CLVS1: variants seen among roughly 807,000 people sequenced by gnomAD.
CLVS1 encodes clavesin-1.
A neutral mutation model predicts 33.1 loss-of-function variants in CLVS1; 10 were observed. That is an observed-to-expected ratio of 0.30 (90% CI 0.19 to 0.51). CLVS1 has a LOEUF of 0.51. CLVS1 is among the 20% of genes least tolerant of loss of function. The pLI, the probability that CLVS1 is intolerant of heterozygous loss-of-function variation, is 0.97. For missense variants in CLVS1, 343 were observed against 433.4 expected, an observed-to-expected ratio of 0.79 and a Z score of 1.85; for synonymous variants, 163 against 166.1, an observed-to-expected ratio of 0.98 and a Z score of 0.14.
chr8:61,353,240 G>T (rs1812548365), intron 2 of CLVS1, among the ~76,000 whole-genome samples: 1 of 151,902 alleles, frequency 6.6e-6, no homozygotes, highest in Non-Finnish European at 1.5e-5. Flanking sequence ...CAACAGCAAG[G>T]TACACATTTT....
intron 1 of CLVS1, among the ~76,000 whole-genome samples, chr8:61,291,337 G>A (rs913594879): frequency 6.6e-6 from 1 of 152,162 alleles, no homozygotes; most frequent in African/African-American, 2.4e-5. Context: ...GAGATGATCT[G>A]TTCTTGTTTC....
intron 2 of CLVS1, among the ~76,000 whole-genome samples, chr8:61,176,579 G>T (rs1305497053): frequency 6.6e-6 from 1 of 152,190 alleles, no homozygotes; most frequent in African/African-American, 2.4e-5. Context: ...GTGGTCAGAG[G>T]CTCACATTGA....
At chr8:61,496,746 A>G (rs1183506546) in intron 5 of CLVS1, among the ~76,000 whole-genome samples, 1 of 152,230 alleles carries the variant, frequency 6.6e-6, no homozygotes, top group East Asian at 1.9e-4. Context: ...TACAGTACAT[A>G]CATATCTTGA....
At chr8:61,059,499 T>TATATATATATACACAC (rs1265187479) in intron 1 of CLVS1, among the ~76,000 whole-genome samples, 3 of 96,350 alleles carry the variant, frequency 3.1e-5, no homozygotes, top group African/African-American at 8.0e-5. Flanking sequence ...TATATATATA[T>TATATATATATACACAC]ACACATATCT....
At position 61,203,735 on chromosome 8, in the gene CLVS1, A is replaced by T. The variant is rs570961209; in HGVS notation, c.-152+71875A>T. 6.6e-5 allele frequency among the ~76,000 whole-genome samples: 10 copies of T among 152,308 alleles called. No homozygotes were observed. The East Asian group carries it at 1.9e-3, about 29-fold the overall frequency. On this transcript the variant is annotated intron_variant, in intron 2 of 2. Coordinates refer to the CLVS1 transcript ENST00000522621. ...GCTTGTCCCACTCAACTTCCAATTG[A>T]TTATCTTACAGCTTCTCTTGCTTTC...
intron 2 of CLVS1, among the ~76,000 whole-genome samples, chr8:61,222,412 T>C (rs1808236049): frequency 6.6e-6 from 1 of 152,230 alleles, no homozygotes; most frequent in African/African-American, 2.4e-5. Context: ...AAAGAATTTC[T>C]TGATTTCTGC....
At position 61,401,369 on chromosome 8, in the gene CLVS1, A is replaced by G. The variant is rs78341787; in HGVS notation, c.630+24590A>G. ...TCCTGATTTTATGTGAAAAGCCTTC[A>G]GTCTTTCATAATTAAGTGTGAGGTT... On this transcript the variant is annotated intron_variant, in intron 3 of 5. Transcript: ENST00000325897. Among the ~76,000 whole-genome samples, 10 of 152,248 alleles carry G rather than the reference A, an allele frequency of 6.6e-5. No individual in the cohort carries two copies. In the East Asian group the frequency reaches 1.9e-3, roughly 29 times the overall value.
intron 1 of CLVS1, among the ~76,000 whole-genome samples, chr8:61,127,902 T>C (rs1269876360): frequency 6.6e-6 from 1 of 152,178 alleles, no homozygotes; most frequent in African/African-American, 2.4e-5. Context: ...CCATTCCAAT[T>C]AGTAGTTAAG....
chr8:61,493,649 A>AATT (rs1804173731), intron 5 of CLVS1, among the ~76,000 whole-genome samples: 1 of 152,160 alleles, frequency 6.6e-6, no homozygotes, highest in African/African-American at 2.4e-5. Context: ...ATCTGAGCAG[A>AATT]ATTACTTAGA....
intron 5 of CLVS1, among the ~76,000 whole-genome samples, chr8:61,490,711 C>T (rs1460541539): frequency 6.7e-6 from 1 of 149,190 alleles, no homozygotes; most frequent in African/African-American, 2.5e-5. Flanking sequence ...GTAATCCCAG[C>T]ACTTTGGGAG....
At chr8:61,329,895 T>A (rs1585810379) in intron 2 of CLVS1, among the ~76,000 whole-genome samples, 1 of 152,144 alleles carries the variant, frequency 6.6e-6, no homozygotes, top group African/African-American at 2.4e-5. Context: ...GTACTGCCTA[T>A]TGACCTGGGG....
At chr8:61,432,407 G>A (rs1816148484) in intron 3 of CLVS1, among the ~76,000 whole-genome samples, 1 of 152,122 alleles carries the variant, frequency 6.6e-6, no homozygotes, top group South Asian at 2.1e-4. Context: ...AGGTAATTAA[G>A]GTAAAACGAA....
chr8:61,053,722 G>GATA (rs983248298), upstream of CLVS1, among the ~76,000 whole-genome samples: 8 of 152,182 alleles, frequency 5.3e-5, no homozygotes, highest in Non-Finnish European at 7.3e-5. Flanking sequence ...TTGGTTTAGA[G>GATA]ATAAGCATGT....
At chr8:61,021,614 C>T in the CLVS1 span, among the ~76,000 whole-genome samples, 6 of 151,796 alleles carry the variant, frequency 4.0e-5, no homozygotes, top group East Asian at 1.9e-4. Context: ...CACCTGCCTT[C>T]GCCTCCCAAA....
At chr8:61,369,976 A>G (rs1446213631) in intron 2 of CLVS1, among the ~76,000 whole-genome samples, 1 of 152,228 alleles carries the variant, frequency 6.6e-6, no homozygotes, top group East Asian at 1.9e-4. Context: ...TATTTTAGGA[A>G]GTAATTTTGG....
chr8:60,981,003 G>A, the CLVS1 span, among the ~76,000 whole-genome samples: 1 of 152,202 alleles, frequency 6.6e-6, no homozygotes, highest in African/African-American at 2.4e-5. Context: ...GAGGGATGCA[G>A]AAACCACCAG....
chr8:61,365,837 G>A (rs1813190040), intron 2 of CLVS1, among the ~76,000 whole-genome samples: 1 of 151,954 alleles, frequency 6.6e-6, no homozygotes, highest in Admixed American at 6.6e-5. Context: ...CATTAGACAG[G>A]AAGGCTGAGA....
At chr8:61,075,658 T>C (rs954858136) in intron 1 of CLVS1, among the ~76,000 whole-genome samples, 4 of 152,194 alleles carry the variant, frequency 2.6e-5, no homozygotes, top group African/African-American at 9.6e-5. Context: ...GGCACTGATT[T>C]CCCTCAGATC....
At chr8:61,406,395 A>G (rs991721689) in intron 3 of CLVS1, among the ~76,000 whole-genome samples, 1 of 152,236 alleles carries the variant, frequency 6.6e-6, no homozygotes, top group Non-Finnish European at 1.5e-5. Flanking sequence ...CTGTACTTCA[A>G]GAAAGCTCTT....
Sources: allele counts gnomAD v4.1 joint callset (sites outside exome capture counted in the v4.1 genomes callset), GRCh38; gene constraint gnomAD v4.1.1; transcripts MANE v1.5; gene names NCBI Gene and HGNC (gene_info 2026-07-23, HGNC 2026-07-21).